Variants in DNAH12 observed in about 807,000 individuals in gnomAD.
DNAH12 encodes axonemal beta dynein heavy chain 12.
In DNAH12, 285 loss-of-function variants were observed where a neutral mutation model predicts 371.5. The ratio of observed to expected loss-of-function variants is 0.77; its 90% CI spans 0.70 to 0.85. DNAH12 has a LOEUF of 0.85. Ranked by LOEUF, DNAH12 falls within the 40% of genes least tolerant of loss-of-function variation. The pLI is 0.00. For missense variants in DNAH12, 3,611 were observed against 3,689.4 expected (o/e 0.98, Z 0.55); for synonymous variants, 1,200 against 1,213.0 (o/e 0.99, Z 0.22).
rs1159380311 is a variant in DNAH12 at position 57,446,108 on chromosome 3, G to C, written c.4102C>G (p.Leu1368Val). The change falls in exon 27 of 74, where the codon CTC becomes GTC. Residue 1368 changes from leucine (L) to valine (V), a missense_variant. Transcript: ENST00000495027. ...VFVFEGTELKLNPNCFVAITM... is the reference protein window; with the variant it reads ...VFVFEGTELKVNPNCFVAITM... ...ATAGCTACAAAACAATTCGGATTGAGCTTAAGTTCTGTCCCTTCAAAAACA... is the reference window on the plus strand; with the variant it reads ...ATAGCTACAAAACAATTCGGATTGACCTTAAGTTCTGTCCCTTCAAAAACA... 6.4e-7 allele frequency: 1 copy of C among 1,551,694 alleles called. No homozygotes were observed. The highest frequency in any genetic ancestry group is 2.0e-5 in the Admixed American group (1 of 51,006).
chr3:57,406,993 G>A (rs1256861864), intron 40 of DNAH12, among the ~76,000 whole-genome samples: 1 of 151,966 alleles, frequency 6.6e-6, no homozygotes, highest in South Asian at 2.1e-4. Flanking sequence ...CCACCTCCTG[G>A]ATTCAAGTGA....
At chr3:57,338,986 G>A (rs1553655095) in intron 60 of DNAH12, among the ~76,000 whole-genome samples, 1 of 152,252 alleles carries the variant, frequency 6.6e-6, no homozygotes, top group East Asian at 1.9e-4. Flanking sequence ...TACTGTGTCT[G>A]TGTAGAAAGA....
intron 28 of DNAH12, 109 bp downstream of exon 28, chr3:57,445,065 A>G (rs529580018): frequency 4.1e-5 from 53 of 1,302,298 alleles, no homozygotes; most frequent in Non-Finnish European, 5.4e-5. Flanking sequence ...CTCTTATGAA[A>G]AGACAAAGCT....
chr3:57,425,150 T>C lies in DNAH12; in HGVS notation c.5254-9A>G, dbSNP rs1247027110. The C allele has an allele frequency of 1.5e-6, 1 of 685,508 alleles. No homozygotes were observed. The highest frequency in any genetic ancestry group is 2.6e-6 in the Non-Finnish European group (1 of 380,500). 42.5% of individuals were successfully genotyped at this position (685,508 alleles called of 1,614,324 possible). On this transcript the variant is annotated splice_polypyrimidine_tract_variant and intron_variant, in intron 34 of 73. Coordinates refer to ENST00000495027, the MANE Select transcript of DNAH12 (RefSeq NM_001366028.2). ...CTTGTAGGAATCAGTTCCTGCAAGGTGAAAATAAGATAACTTTCTTAATTT... is the reference window on the plus strand; with the variant it reads ...CTTGTAGGAATCAGTTCCTGCAAGGCGAAAATAAGATAACTTTCTTAATTT...
At chr3:57,418,610 CTAAATGCA>C (rs1028983404) in intron 37 of DNAH12, among the ~76,000 whole-genome samples, 1 of 150,614 alleles carries the variant, frequency 6.6e-6, no homozygotes, top group African/African-American at 2.4e-5. Flanking sequence ...TGCTTAGCTT[CTAAATGCA>C]AAAATGCAAC....
intron 14 of DNAH12, among the ~76,000 whole-genome samples, chr3:57,472,319 A>G (rs2066389684): frequency 6.6e-6 from 1 of 152,188 alleles, no homozygotes; most frequent in African/African-American, 2.4e-5. Context: ...TAATTTATAT[A>G]ATAGTTCTGA....
intron 55 of DNAH12, among the ~76,000 whole-genome samples, chr3:57,370,049 T>C: frequency 6.6e-6 from 1 of 152,350 alleles, no homozygotes; most frequent in East Asian, 1.9e-4. Flanking sequence ...AAAATAATAC[T>C]AGGCTACATT....
intron 55 of DNAH12, among the ~76,000 whole-genome samples, chr3:57,369,130 G>C (rs1339416705): frequency 6.6e-6 from 1 of 150,606 alleles, no homozygotes; most frequent in East Asian, 1.9e-4. Flanking sequence ...TGAGGCAGGA[G>C]AATCGCTTAA....
intron 4 of DNAH12, among the ~76,000 whole-genome samples, chr3:57,520,834 A>G (rs925872928): frequency 4.6e-5 from 7 of 152,068 alleles, no homozygotes; most frequent in Non-Finnish European, 1.0e-4. Flanking sequence ...TGGATAGCCA[A>G]TTCGTGAATA....
chr3:57,433,611 A>G, intron 31 of DNAH12, 34 bp downstream of exon 31: 1 of 1,532,466 alleles, frequency 6.5e-7, no homozygotes, highest in East Asian at 2.4e-5. Context: ...GGCACTTTCC[A>G]TAAGAGAGTT....
intron 25 of DNAH12, among the ~76,000 whole-genome samples, chr3:57,450,517 T>C (rs2005159): frequency 0.89 from 135,386 of 152,292 alleles, 60,765 homozygotes; most frequent in African/African-American, 0.97. Context: ...CATTGCACTC[T>C]AGCCTGGGCA....
intron 25 of DNAH12, among the ~76,000 whole-genome samples, chr3:57,450,263 A>AAAAAAAAAAT (rs1559675139): frequency 6.7e-6 from 1 of 148,766 alleles, no homozygotes; most frequent in Non-Finnish European, 1.5e-5. Context: ...AAAAAAAAAA[A>AAAAAAAAAAT]GGTGGCCCAG....
chr3:57,551,281 T>G, the DNAH12 span, among the ~76,000 whole-genome samples: 16 of 151,740 alleles, frequency 1.1e-4, no homozygotes, highest in African/African-American at 3.9e-4. Context: ...ATTTATTTAT[T>G]TATTTTTTGA....
the DNAH12 span, among the ~76,000 whole-genome samples, chr3:57,549,502 G>GT: frequency 1.3e-5 from 2 of 152,086 alleles, no homozygotes; most frequent in Non-Finnish European, 2.9e-5. Context: ...GGGCAACAGA[G>GT]TAAGACCCAA....
chr3:57,411,288 G>A (rs2064192318), intron 39 of DNAH12, among the ~76,000 whole-genome samples: 1 of 152,054 alleles, frequency 6.6e-6, no homozygotes, highest in African/African-American at 2.4e-5. Flanking sequence ...AGCATTTTGG[G>A]AGGCCGAGGA....
chr3:57,519,168 C>T (rs979552984), intron 4 of DNAH12, among the ~76,000 whole-genome samples: 1 of 152,134 alleles, frequency 6.6e-6, no homozygotes, highest in Non-Finnish European at 1.5e-5. Flanking sequence ...GAACATCTTT[C>T]GCGTGCTTAT....
intron 43 of DNAH12, among the ~76,000 whole-genome samples, chr3:57,402,890 TATTC>T (rs1282565975): frequency 1.3e-5 from 2 of 152,230 alleles, no homozygotes; most frequent in African/African-American, 4.8e-5. Flanking sequence ...ACTCCATAGT[TATTC>T]ATTTTATGCA....
intron 36 of DNAH12, 62 bp downstream of exon 36, chr3:57,421,456 C>G: frequency 1.3e-6 from 2 of 1,502,532 alleles, no homozygotes. Context: ...AACCCAGGAG[C>G]TTTGTCTGCT....
At chr3:57,489,426 C>A (rs116272714) in intron 12 of DNAH12, 83 bp downstream of exon 12, 4 of 1,345,422 alleles carry the variant, frequency 3.0e-6, no homozygotes, top group Admixed American at 7.2e-5. Context: ...ATATTTTAAG[C>A]TTTTGTTTTT....
Sources: allele counts gnomAD v4.1 joint callset (sites outside exome capture counted in the v4.1 genomes callset), GRCh38; gene constraint gnomAD v4.1.1; transcripts MANE v1.5; gene names NCBI Gene and HGNC (gene_info 2026-07-23, HGNC 2026-07-21).